The following ALMS1 variants were observed in gnomAD, a reference collection of about 807,000 sequenced individuals.
ALMS1 encodes centrosome-associated protein ALMS1.
In ALMS1, 271 loss-of-function variants were observed where a neutral mutation model predicts 352.2. That is an observed-to-expected ratio of 0.77 (90% confidence interval 0.70 to 0.85). The LOEUF (loss-of-function observed/expected upper bound fraction) is 0.85. Among genes scored for constraint, ALMS1 ranks in the 40% least tolerant of loss-of-function variants. The pLI, the probability that ALMS1 is intolerant of heterozygous loss-of-function variation, is 0.00. For synonymous variants in ALMS1, 1,865 were observed against 1,761.2 expected, an observed-to-expected ratio of 1.06 and a Z score of -1.48; for missense variants, 5,445 against 4,870.7, an observed-to-expected ratio of 1.12 and a Z score of -3.51.
At chr2:73,445,966 T>C (rs989006239) in intron 7 of ALMS1, among the ~76,000 whole-genome samples, 2 of 152,204 alleles carry the variant, frequency 1.3e-5, no homozygotes, top group African/African-American at 2.4e-5. Flanking sequence ...ATACCATTTT[T>C]CATCATGAAC....
chr2:73,480,576 T>C (rs1187766121), intron 9 of ALMS1, among the ~76,000 whole-genome samples: 1 of 151,850 alleles, frequency 6.6e-6, no homozygotes, highest in Non-Finnish European at 1.5e-5. Flanking sequence ...TTTATAGTCC[T>C]TTGGGTATAT....
intron 2 of ALMS1, among the ~76,000 whole-genome samples, chr2:73,411,903 C>G (rs1465260868): frequency 1.3e-5 from 2 of 152,216 alleles, no homozygotes; most frequent in African/African-American, 2.4e-5. Flanking sequence ...CACAGTCTAT[C>G]TAGACTTTGT....
Position 73,451,937 on chromosome 2 carries a change from A to G in ALMS1, c.5410A>G (p.Thr1804Ala). Residue 1804 changes from threonine to alanine, a missense_variant, in exon 8 of 23, where the codon ACT becomes GCT. Physicochemically the swap from Thr to Ala is moderately conservative, Grantham distance 58. Coordinates refer to ENST00000613296, the MANE Select transcript of ALMS1 (RefSeq NM_001378454.1). ...QKTGVSTVTS[T>A]SYSHREKPIV... is the part of the protein sequence containing the mutation. ...GACTGGGGTATCAACAGTAACCTCT[A>G]CTTCCTACTCACACAGAGAGAAGCC... 6.2e-7 allele frequency: 1 copy of G among 1,613,970 alleles called. No homozygotes were observed.
chr2:73,591,730 T>C (rs753540832), intron 16 of ALMS1, among the ~76,000 whole-genome samples: 19 of 152,188 alleles, frequency 1.2e-4, no homozygotes, highest in East Asian at 3.8e-4. Flanking sequence ...GTAATTCTTA[T>C]AGTTATTAAA....
rs371101065 is a variant in ALMS1 at position 73,450,726 on chromosome 2, A to G, written c.4199A>G (p.His1400Arg). 4.3e-5 allele frequency: 70 copies of G among 1,613,062 alleles called. No homozygotes were observed. The highest frequency in any genetic ancestry group is 8.0e-5 in the African/African-American group (6 of 74,636). Reference sequence around the variant, plus strand: ...TACCAACAGTCGTTGCCAGGTAGTCATCTAACTGAAGAGGCTAAGAACGTT... The same window carrying G: ...TACCAACAGTCGTTGCCAGGTAGTCGTCTAACTGAAGAGGCTAAGAACGTT... ...IFYQQSLPGS[H>R]LTEEAKNVSA... The change falls in exon 8 of 23, where the codon CAT becomes CGT. Residue 1400 changes from histidine to arginine, a missense_variant. Coordinates refer to ENST00000613296, the MANE Select transcript of ALMS1 (RefSeq NM_001378454.1).
intron 16 of ALMS1, among the ~76,000 whole-genome samples, chr2:73,574,413 CTT>C (rs1352518635): frequency 6.6e-6 from 1 of 152,128 alleles, no homozygotes; most frequent in Non-Finnish European, 1.5e-5. Flanking sequence ...TTTTCCCCAA[CTT>C]TTTAAAATTT....
In ALMS1 at chr2:73,450,711, C is replaced by G; in HGVS notation, c.4184C>G (p.Ser1395Trp). ...AAGCCGAGTATTTTCTACCAACAGTCGTTGCCAGGTAGTCATCTAACTGAA... is the reference window on the plus strand; with the variant it reads ...AAGCCGAGTATTTTCTACCAACAGTGGTTGCCAGGTAGTCATCTAACTGAA... ...TEKPSIFYQQ[S>W]LPGSHLTEEA... The change falls in exon 8 of 23, where the codon TCG becomes TGG. Residue 1395 changes from serine (S) to tryptophan (W), a missense_variant. Coordinates refer to ENST00000613296, the MANE Select transcript of ALMS1 (RefSeq NM_001378454.1). 3 of 1,613,136 alleles carry G rather than the reference C, an allele frequency of 1.9e-6. No homozygotes were observed. The highest frequency in any genetic ancestry group is 2.5e-6 in the Non-Finnish European group (3 of 1,179,600).
At chr2:73,483,076 G>T (rs1233872757) in intron 9 of ALMS1, among the ~76,000 whole-genome samples, 2 of 148,898 alleles carry the variant, frequency 1.3e-5, no homozygotes, top group Admixed American at 1.3e-4. Context: ...ATTTCCTTCA[G>T]TTCTGCTCTG....
chr2:73,429,805 A>G (rs540402444), intron 6 of ALMS1, among the ~76,000 whole-genome samples: 284 of 152,214 alleles, frequency 1.9e-3, no homozygotes, highest in African/African-American at 6.6e-3. Context: ...CCCAAATTCA[A>G]CTTGCTCTAT....
chr2:73,512,854 A>G (rs1421187323), intron 10 of ALMS1, among the ~76,000 whole-genome samples: 1 of 152,054 alleles, frequency 6.6e-6, no homozygotes, highest in African/African-American at 2.4e-5. Flanking sequence ...GGAATCAACT[A>G]CTTCTCCAAG....
intron 9 of ALMS1, among the ~76,000 whole-genome samples, chr2:73,486,089 G>A (rs1297013148): frequency 3.3e-5 from 5 of 151,796 alleles, no homozygotes; most frequent in Admixed American, 2.6e-4. Context: ...GGCCATCTTG[G>A]CTCCTGTCCC....
intron 11 of ALMS1, among the ~76,000 whole-genome samples, chr2:73,533,138 T>A (rs1422453675): frequency 6.6e-6 from 1 of 152,150 alleles, no homozygotes. Context: ...TCTTCCGAAG[T>A]GAAAGGAAGG....
chr2:73,485,402 G>A (rs987436747), intron 9 of ALMS1, among the ~76,000 whole-genome samples: 2 of 152,254 alleles, frequency 1.3e-5, no homozygotes, highest in Non-Finnish European at 2.9e-5. Flanking sequence ...TCAGGGGTCA[G>A]GGACCCACTT....
At position 73,451,204 on chromosome 2, in the gene ALMS1, G is replaced by C; in HGVS notation, c.4677G>C (p.Gln1559His). 6.2e-7 allele frequency: 1 copy of C among 1,613,894 alleles called. No individual in the cohort carries two copies. The highest frequency in any genetic ancestry group is 8.5e-7 in the Non-Finnish European group (1 of 1,179,966). Residue 1559 changes from glutamine (Q) to histidine (H), a missense_variant, in exon 8 of 23, where the codon CAG (glutamine) becomes CAC (histidine). Gln to His is a conservative substitution (Grantham distance 24). Coordinates refer to ENST00000613296, the MANE Select transcript of ALMS1 (RefSeq NM_001378454.1). ...CTTCTGCTCCTGGACCAGCTGACCA[G>C]ACAACTGGCATACCAACCATAACCT... is the stretch of plus-strand genomic sequence containing the variant. ...RVSSAPGPAD[Q>H]TTGIPTITST...
chr2:73,598,638 C>T (rs1240168338), intron 16 of ALMS1, among the ~76,000 whole-genome samples: 1 of 152,132 alleles, frequency 6.6e-6, no homozygotes, highest in African/African-American at 2.4e-5. Flanking sequence ...AATTCCCTAA[C>T]ATTTATTCAA....
rs566283325 is a variant in ALMS1, at chr2:73,595,088, T to C, written c.11548-4313T>C. ...ACAAGTTTTTGTTTATTCTCATTTC[T>C]TGAACTGGTAATACAGTACAACCAC... is the stretch of plus-strand genomic sequence containing the variant. On this transcript the variant is annotated intron_variant, in intron 16 of 22. Transcript: ENST00000613296. Among the ~76,000 whole-genome samples, 8 of 152,310 alleles carry C rather than the reference T, an allele frequency of 5.3e-5. No homozygotes were observed. The East Asian group carries it at 1.5e-3, about 29-fold the overall frequency.
chr2:73,466,925 T>C (rs1443423906), intron 9 of ALMS1, among the ~76,000 whole-genome samples: 3 of 152,142 alleles, frequency 2.0e-5, no homozygotes, highest in Non-Finnish European at 4.4e-5. Context: ...GAAAAAGCTG[T>C]TATTTACTTT....
intron 16 of ALMS1, among the ~76,000 whole-genome samples, chr2:73,589,806 C>G (rs1390122410): frequency 6.6e-6 from 1 of 152,192 alleles, no homozygotes. Context: ...GCAGTGCTGT[C>G]TTTGTCCATG....
intron 7 of ALMS1, among the ~76,000 whole-genome samples, chr2:73,436,726 T>C (rs2103744482): frequency 6.6e-6 from 1 of 152,344 alleles, no homozygotes; most frequent in South Asian, 2.1e-4. Flanking sequence ...AATTTCCATT[T>C]TGTTATTTTC....
Sources: allele counts gnomAD v4.1 joint callset (sites outside exome capture counted in the v4.1 genomes callset), GRCh38; gene constraint gnomAD v4.1.1; transcripts MANE v1.5; gene names NCBI Gene and HGNC (gene_info 2026-07-23, HGNC 2026-07-21).